SPON2: variants seen among roughly 807,000 people sequenced by gnomAD.
SPON2 encodes spondin-2.
A neutral mutation model predicts 29.9 loss-of-function variants in SPON2; 32 were observed. That is an observed-to-expected ratio of 1.07 (90% CI 0.81 to 1.44). The LOEUF is 1.44. Ranked by LOEUF, SPON2 falls within the 40% of genes most tolerant of loss-of-function variation. SPON2 has a pLI of 0.00. For synonymous variants in SPON2, 248 were observed against 209.1 expected (o/e 1.19, Z -1.61); for missense variants, 541 against 455.5 (o/e 1.19, Z -1.71).
upstream of SPON2, among the ~76,000 whole-genome samples, chr4:1,175,329 C>T (rs116787560): frequency 1.3e-5 from 2 of 152,228 alleles, no homozygotes; most frequent in Admixed American, 6.5e-5. Context: ...GCCGTGGCAG[C>T]GGCTTCCAGG....
At chr4:1,168,974 G>A (rs905758970) in intron 5 of SPON2, among the ~76,000 whole-genome samples, 3 of 152,092 alleles carry the variant, frequency 2.0e-5, no homozygotes, top group East Asian at 1.9e-4. Flanking sequence ...TCTGTGCTCC[G>A]TCCCCACTGC....
intron 5 of SPON2, 70 bp downstream of exon 5, chr4:1,170,332 G>A (rs958994379): frequency 1.2e-4 from 175 of 1,466,694 alleles, no homozygotes; most frequent in Non-Finnish European, 1.0e-4. Flanking sequence ...CCTTAGGTTC[G>A]GGTTTGGTGG....
At chr4:1,188,694 A>T (rs1031172612) in intron 1 of SPON2, among the ~76,000 whole-genome samples, 1 of 152,242 alleles carries the variant, frequency 6.6e-6, no homozygotes, top group Non-Finnish European at 1.5e-5. Context: ...GGAAATGATG[A>T]AGGGCAAAAT....
At chr4:1,205,877 TC>T (rs748457604) in intron 1 of SPON2, among the ~76,000 whole-genome samples, 2 of 152,112 alleles carry the variant, frequency 1.3e-5, no homozygotes, top group Non-Finnish European at 2.9e-5. Flanking sequence ...AGGAGGGGCC[TC>T]TGAGACCTCC....
chr4:1,174,517 A>G (rs921210357), upstream of SPON2, among the ~76,000 whole-genome samples: 43 of 151,520 alleles, frequency 2.8e-4, 1 homozygote, highest in African/African-American at 9.7e-4. Flanking sequence ...AAAACAAAAA[A>G]CAAAAACAAA....
chr4:1,176,605 T>TCACACAGTACATTCATGCAGTCATC (rs1416764946), upstream of SPON2, among the ~76,000 whole-genome samples: 3 of 117,902 alleles, frequency 2.5e-5, no homozygotes, highest in African/African-American at 8.5e-5. Flanking sequence ...AATCATCCAT[T>TCACACAGTACATTCATGCAGTCATC]CACACAGTAC....
chr4:1,167,427 C>T lies in SPON2; in HGVS notation c.*45G>A. 6.4e-7 allele frequency: 1 copy of T among 1,570,366 alleles called. No homozygotes were observed. ...CATGAGCCTGCACAGGAGCCCCCGA[C>T]ACCCCATGGCTCCGGGGGGCCCCAG... is the stretch of plus-strand genomic sequence containing the variant. On this transcript the variant is annotated 3_prime_UTR_variant, in exon 6 of 6. Transcript: ENST00000290902.
At chr4:1,171,527 A>T (rs1727449935) in intron 2 of SPON2, 41 bp from the exon 3 acceptor site, 1 of 1,586,646 alleles carries the variant, frequency 6.3e-7, no homozygotes, top group African/African-American at 1.3e-5. Flanking sequence ...ATGGTCAGAC[A>T]CTGCGGTCGG....
chr4:1,204,032 T>C (rs926794087), intron 1 of SPON2, among the ~76,000 whole-genome samples: 1 of 152,048 alleles, frequency 6.6e-6, no homozygotes, highest in Non-Finnish European at 1.5e-5. Flanking sequence ...CACCACGTGG[T>C]GGCTAATTGT....
At chr4:1,188,365 C>G (rs895170475) in intron 1 of SPON2, among the ~76,000 whole-genome samples, 3 of 152,074 alleles carry the variant, frequency 2.0e-5, no homozygotes, top group African/African-American at 7.2e-5. Context: ...TCTCCCTTAT[C>G]AACTCAGTAT....
chr4:1,175,135 G>T (rs1378578314), upstream of SPON2, among the ~76,000 whole-genome samples: 1 of 152,244 alleles, frequency 6.6e-6, no homozygotes, highest in Admixed American at 6.5e-5. Context: ...TGCATCCCTG[G>T]ACAATCCTCG....
chr4:1,189,252 C>A (rs181295640), intron 1 of SPON2, among the ~76,000 whole-genome samples: 61 of 151,992 alleles, frequency 4.0e-4, no homozygotes, highest in Admixed American at 1.2e-3. Context: ...AATAACCCAA[C>A]CTTCCACCTA....
intron 1 of SPON2, chr4:1,200,683 C>T (rs773002478): frequency 1.5e-5 from 6 of 394,068 alleles, no homozygotes; most frequent in Non-Finnish European, 2.1e-5. Context: ...CAGGTGTGGA[C>T]GACCCTCACA....
In SPON2 at chr4:1,167,482, T is replaced by G. The variant is rs1407991361; in HGVS notation, c.986A>C (p.Asn329Thr). ...LEEEAECVPD[N>T]CV ...TGCGGGGCTCTGGTCTTAGACGCAGTTATCAGGGACGCACTCAGCCTCTTC... is the reference window on the plus strand; with the variant it reads ...TGCGGGGCTCTGGTCTTAGACGCAGGTATCAGGGACGCACTCAGCCTCTTC... The change falls in exon 6 of 6, where the codon AAC becomes ACC. Residue 329 changes from asparagine (N) to threonine (T), a missense_variant. Coordinates refer to ENST00000290902, the MANE Select transcript of SPON2 (RefSeq NM_012445.4). 6.2e-7 allele frequency: 1 copy of G among 1,612,994 alleles called. No individual in the cohort carries two copies. The highest frequency in any genetic ancestry group is 1.7e-5 in the Admixed American group (1 of 59,962).
chr4:1,185,554 A>G (rs1331603515), intron 1 of SPON2, among the ~76,000 whole-genome samples: 2 of 151,286 alleles, frequency 1.3e-5, no homozygotes, highest in Non-Finnish European at 2.9e-5. Context: ...TTAAAAATAC[A>G]AAAATTAGCC....
rs891049929 is a variant in SPON2, at chr4:1,180,591, T to A, written c.-238-1050A>T. On this transcript the variant is annotated intron_variant, in intron 1 of 3. Coordinates refer to the SPON2 transcript ENST00000502483. The stretch of plus-strand genomic sequence containing the variant: ...CCAGACAAATACTTTAAATTTATGG[T>A]CTTAAATATCTTCCAAGAACAAAGG... 1.4e-4 allele frequency among the ~76,000 whole-genome samples: 22 copies of A among 152,336 alleles called. 1 individual carries two copies. In the Middle Eastern group the frequency reaches 0.01, roughly 71 times the overall value.
chr4:1,173,687 AC>A (rs1273039263), upstream of SPON2, among the ~76,000 whole-genome samples: 16 of 152,350 alleles, frequency 1.1e-4, no homozygotes, highest in Admixed American at 8.5e-4. Flanking sequence ...GATGTTTGGA[AC>A]CCTGTTAATG....
intron 2 of SPON2, among the ~76,000 whole-genome samples, chr4:1,178,677 T>C (rs73793104): frequency 0.023 from 2,824 of 125,410 alleles, 89 homozygotes; most frequent in African/African-American, 0.081. Flanking sequence ...TCATACTCTG[T>C]CATGCCAGGG....
Position 1,171,149 on chromosome 4 carries a change from G to T in SPON2, c.486C>A (p.Phe162Leu), listed in dbSNP as rs1487207964. Residue 162 changes from phenylalanine (F) to leucine (L), a missense_variant, in exon 4 of 6, where the codon TTC (phenylalanine) becomes TTA (leucine). By Grantham distance (22) the Phe-to-Leu change is conservative. Transcript: ENST00000290902. ...ACAGGTCCAGGCTGTCCACGCCCAC[G>T]AACCAGTCGGGGCTGGGCACGATGC... ...VVRIVPSPDW[F>L]VGVDSLDLCD... 8 of 1,553,508 alleles carry T rather than the reference G, an allele frequency of 5.1e-6. No individual in the cohort carries two copies. The highest frequency in any genetic ancestry group is 6.1e-6 in the Non-Finnish European group (7 of 1,149,418).
Sources: allele counts gnomAD v4.1 joint callset (sites outside exome capture counted in the v4.1 genomes callset), GRCh38; gene constraint gnomAD v4.1.1; transcripts MANE v1.5; gene names NCBI Gene and HGNC (gene_info 2026-07-23, HGNC 2026-07-21).